WDR70: variants seen among roughly 807,000 people sequenced by gnomAD.
WDR70 encodes WD repeat domain 70.
Under a neutral mutation model 88.6 loss-of-function variants are expected in WDR70, and 53 were observed. The ratio of observed to expected loss-of-function variants is 0.60; its 90% CI spans 0.48 to 0.75. The LOEUF is 0.75. Ranked by LOEUF, WDR70 falls within the 30% of genes least tolerant of loss-of-function variation. WDR70 has a pLI of 0.00. For synonymous variants in WDR70, 280 were observed against 270.0 expected (o/e 1.04, Z -0.36); for missense variants, 610 against 823.2 (o/e 0.74, Z 3.17).
At chr5:37,531,472 A>G (rs1404921712) in intron 9 of WDR70, among the ~76,000 whole-genome samples, 1 of 151,998 alleles carries the variant, frequency 6.6e-6, no homozygotes, top group Non-Finnish European at 1.5e-5. Context: ...AGATATATGC[A>G]TACATACATA....
chr5:37,401,931 C>A (rs1367249956), intron 5 of WDR70, among the ~76,000 whole-genome samples: 1 of 152,090 alleles, frequency 6.6e-6, no homozygotes, highest in Admixed American at 6.6e-5. Flanking sequence ...TTTGTGTTGG[C>A]AATATTCAAA....
chr5:37,725,399 C>T (rs2112703063), intron 16 of WDR70, among the ~76,000 whole-genome samples: 1 of 152,066 alleles, frequency 6.6e-6, no homozygotes, highest in Middle Eastern at 3.4e-3. Flanking sequence ...GCTTAATGTA[C>T]AACACTGGGC....
chr5:37,628,261 C>T (rs914517764), intron 10 of WDR70, among the ~76,000 whole-genome samples: 7 of 152,134 alleles, frequency 4.6e-5, no homozygotes, highest in Admixed American at 3.9e-4. Context: ...TGTTGATTTT[C>T]TGCCTACATG....
intron 9 of WDR70, among the ~76,000 whole-genome samples, chr5:37,538,267 A>G (rs1450619592): frequency 1.3e-5 from 2 of 152,298 alleles, no homozygotes; most frequent in Non-Finnish European, 1.5e-5. Flanking sequence ...TGGAAGCTAC[A>G]TATTTTGAAT....
intron 5 of WDR70, among the ~76,000 whole-genome samples, chr5:37,410,283 C>T (rs954240790): frequency 6.6e-6 from 1 of 150,562 alleles, no homozygotes; most frequent in Non-Finnish European, 1.5e-5. Context: ...AAGAAATCTG[C>T]CTGCCATGGC....
intron 8 of WDR70, among the ~76,000 whole-genome samples, chr5:37,498,219 C>T (rs1188536531): frequency 2.0e-5 from 3 of 152,214 alleles, no homozygotes; most frequent in Admixed American, 2.0e-4. Flanking sequence ...GGTCAGTTCT[C>T]AGCTCTGGTA....
At chr5:37,453,869 C>CTGTCATACTG (rs936144782) in intron 7 of WDR70, among the ~76,000 whole-genome samples, 12 of 152,110 alleles carry the variant, frequency 7.9e-5, no homozygotes, top group Non-Finnish European at 1.3e-4. Flanking sequence ...GAGACCTTTC[C>CTGTCATACTG]TCACCATACT....
chr5:37,489,294 C>T (rs1739990345), intron 8 of WDR70, among the ~76,000 whole-genome samples: 1 of 152,096 alleles, frequency 6.6e-6, no homozygotes, highest in Non-Finnish European at 1.5e-5. Context: ...TTTTGAGGTG[C>T]CAGTAGTGGC....
intron 9 of WDR70, among the ~76,000 whole-genome samples, chr5:37,556,479 A>AAATTTC (rs1491247866): frequency 6.6e-6 from 1 of 152,206 alleles, no homozygotes; most frequent in East Asian, 1.9e-4. Context: ...TATAATAAAC[A>AAATTTC]TATGTTATCT....
At chr5:37,412,669 G>A (rs1297028449) in intron 5 of WDR70, among the ~76,000 whole-genome samples, 1 of 152,318 alleles carries the variant, frequency 6.6e-6, no homozygotes, top group Admixed American at 6.5e-5. Context: ...TGGCTAGCAC[G>A]TTCTGTGGTG....
At chr5:37,673,323 T>C (rs1746086449) in intron 10 of WDR70, among the ~76,000 whole-genome samples, 2 of 152,170 alleles carry the variant, frequency 1.3e-5, no homozygotes, top group African/African-American at 2.4e-5. Flanking sequence ...TTAGGCTTAT[T>C]CCATGTCTTT....
At chr5:37,392,463 C>T (rs907012314) in intron 4 of WDR70, among the ~76,000 whole-genome samples, 7 of 151,256 alleles carry the variant, frequency 4.6e-5, no homozygotes, top group Non-Finnish European at 8.9e-5. Flanking sequence ...GGATTATAGA[C>T]GTGAGCATCC....
intron 10 of WDR70, among the ~76,000 whole-genome samples, chr5:37,626,742 G>C (rs1744675185): frequency 6.6e-6 from 1 of 152,072 alleles, no homozygotes; most frequent in African/African-American, 2.4e-5. Flanking sequence ...AAAGCCGTCT[G>C]GTTTTGGACT....
At chr5:37,696,004 G>T (rs1316353077) in intron 10 of WDR70, among the ~76,000 whole-genome samples, 1 of 152,102 alleles carries the variant, frequency 6.6e-6, no homozygotes, top group East Asian at 1.9e-4. Flanking sequence ...TCATTGTCAA[G>T]TTTGGGTTAG....
chr5:37,601,100 C>A (rs940565442), intron 9 of WDR70, among the ~76,000 whole-genome samples: 7 of 152,058 alleles, frequency 4.6e-5, no homozygotes, highest in African/African-American at 1.7e-4. Context: ...TTTTCTTGAT[C>A]TTGGTTTTAG....
At chr5:37,679,991 C>T (rs888338718) in intron 10 of WDR70, among the ~76,000 whole-genome samples, 5 of 152,226 alleles carry the variant, frequency 3.3e-5, no homozygotes, top group African/African-American at 7.2e-5. Context: ...TCTCACACTG[C>T]GACTAATTTC....
intron 3 of WDR70, among the ~76,000 whole-genome samples, chr5:37,384,854 C>T (rs565601419): frequency 6.6e-5 from 10 of 151,842 alleles, no homozygotes; most frequent in South Asian, 4.2e-4. Flanking sequence ...ACTGGGTATC[C>T]GGTAACTCAG....
At chr5:37,608,559 T>G (rs564010007) in intron 10 of WDR70, among the ~76,000 whole-genome samples, 36 of 152,162 alleles carry the variant, frequency 2.4e-4, no homozygotes, top group South Asian at 1.7e-3. Flanking sequence ...ATTTTTTTTT[T>G]TTTGTTTAAC....
intron 10 of WDR70, among the ~76,000 whole-genome samples, chr5:37,678,132 C>T (rs901410287): frequency 1.7e-4 from 26 of 152,054 alleles, no homozygotes; most frequent in African/African-American, 4.8e-4. Context: ...TGTCTCTGCA[C>T]GTGAGATGGG....
Sources: allele counts gnomAD v4.1 joint callset (sites outside exome capture counted in the v4.1 genomes callset), GRCh38; gene constraint gnomAD v4.1.1; transcripts MANE v1.5; gene names NCBI Gene and HGNC (gene_info 2026-07-23, HGNC 2026-07-21).